RPS6KA5: variants seen among roughly 807,000 people sequenced by gnomAD.
RPS6KA5 encodes the protein ribosomal protein S6 kinase alpha-5.
RPS6KA5 carries 27 observed loss-of-function variants against 85.5 expected under a neutral mutation model. The ratio of observed to expected loss-of-function variants is 0.32; its 90% CI spans 0.23 to 0.44. RPS6KA5 has a LOEUF of 0.44. Among genes scored for constraint, RPS6KA5 ranks in the 20% least tolerant of loss-of-function variants. The pLI is 1.00. For missense variants in RPS6KA5, 811 were observed against 980.9 expected (o/e 0.83, Z 2.31); for synonymous variants, 334 against 348.2 (o/e 0.96, Z 0.46).
At chr14:90,998,201 G>A (rs1003719977) in intron 2 of RPS6KA5, among the ~76,000 whole-genome samples, 4 of 152,106 alleles carry the variant, frequency 2.6e-5, no homozygotes, top group African/African-American at 9.7e-5. Flanking sequence ...TTAGGACTGG[G>A]GAGGATGGTG....
At chr14:91,044,259 G>C (rs1172277383) in intron 1 of RPS6KA5, among the ~76,000 whole-genome samples, 3 of 61,900 alleles carry the variant, frequency 4.8e-5, no homozygotes, top group Admixed American at 4.4e-4. Flanking sequence ...GGGAGAGAGA[G>C]AGGGAGAGAG....
At chr14:91,028,398 G>T (rs1215207187) in intron 1 of RPS6KA5, among the ~76,000 whole-genome samples, 2 of 152,020 alleles carry the variant, frequency 1.3e-5, no homozygotes, top group African/African-American at 4.8e-5. Flanking sequence ...TTTATTATTT[G>T]TAGAGGCAAG....
At chr14:90,967,772 T>C (rs899038117) in intron 3 of RPS6KA5, among the ~76,000 whole-genome samples, 1 of 152,222 alleles carries the variant, frequency 6.6e-6, no homozygotes, top group Non-Finnish European at 1.5e-5. Context: ...TCTGATACTG[T>C]GTCTCTAAGA....
chr14:90,906,937 A>G lies in RPS6KA5; in HGVS notation c.807-638T>C, dbSNP rs140533134. 4.0e-3 allele frequency among the ~76,000 whole-genome samples: 608 copies of G among 152,332 alleles called. 8 individuals are homozygous for G. Among genetic ancestry groups the G allele is most frequent in the African/African-American group, 0.014 (567 of 41,568 alleles). On this transcript the variant is annotated intron_variant, in intron 7 of 16. Coordinates refer to ENST00000614987, the MANE Select transcript of RPS6KA5 (RefSeq NM_004755.4). ...GCTATAAAACAGCCAGACAAGCCCT[A>G]TGAGGCAGGTAGAGCTCAGAGATGG...
intron 7 of RPS6KA5, among the ~76,000 whole-genome samples, chr14:90,915,880 C>G: frequency 6.6e-6 from 1 of 151,480 alleles, no homozygotes; most frequent in East Asian, 1.9e-4. Flanking sequence ...AAGAAAAGCA[C>G]ATGTACATGT....
chr14:90,990,210 G>A (rs753350773), intron 2 of RPS6KA5, among the ~76,000 whole-genome samples: 8 of 152,134 alleles, frequency 5.3e-5, no homozygotes, highest in Non-Finnish European at 1.2e-4. Context: ...ATTAAAAAAT[G>A]GGCAAAGGAT....
At chr14:91,044,209 A>G (rs1200620698) in intron 1 of RPS6KA5, among the ~76,000 whole-genome samples, 1 of 150,978 alleles carries the variant, frequency 6.6e-6, no homozygotes, top group Non-Finnish European at 1.5e-5. Context: ...CCTGGGCAAC[A>G]AGAGTAAAAC....
chr14:91,057,761 AC>A (rs1193474950), intron 1 of RPS6KA5, among the ~76,000 whole-genome samples: 2 of 152,370 alleles, frequency 1.3e-5, no homozygotes, highest in Admixed American at 6.5e-5. Context: ...TATACATTCA[AC>A]CAACATTTCC....
In RPS6KA5 at chr14:90,852,201, T is replaced by A. The variant is rs1211840619; in HGVS notation, c.*19873A>T. The A allele has an allele frequency of 6.7e-6, 1 of 148,410 alleles. No homozygotes were observed. The highest frequency in any genetic ancestry group is 2.1e-4 in the East Asian group (1 of 4,818). 9.2% of individuals were successfully genotyped at this position (148,410 alleles called of 1,614,324 possible). ...GTTCTGCTTCCCGGGTTCACGCCAT[T>A]CTCCTGCCTCAGCCTCCCAAGTACC... is the stretch of plus-strand genomic sequence containing the variant. On this transcript the variant is annotated 3_prime_UTR_variant, in exon 17 of 17. Transcript: ENST00000614987.
At chr14:91,030,699 A>G (rs1160064975) in intron 1 of RPS6KA5, among the ~76,000 whole-genome samples, 1 of 151,346 alleles carries the variant, frequency 6.6e-6, no homozygotes, top group Admixed American at 6.6e-5. Context: ...CATAAAAAGT[A>G]TAATTATCCT....
chr14:90,873,500 T>C, intron 16 of RPS6KA5, 132 bp downstream of exon 16: 1 of 827,756 alleles, frequency 1.2e-6, no homozygotes, highest in Non-Finnish European at 1.8e-6. Context: ...TATAAAAACA[T>C]ACCTAAAAGT....
intron 3 of RPS6KA5, among the ~76,000 whole-genome samples, chr14:90,949,768 AC>A: frequency 6.6e-6 from 1 of 152,304 alleles, no homozygotes; most frequent in South Asian, 2.1e-4. Flanking sequence ...AGGAATAATA[AC>A]TACTTATGAA....
intron 1 of RPS6KA5, 43 bp from the exon 2 acceptor site, chr14:91,001,202 A>C: frequency 7.8e-7 from 1 of 1,284,336 alleles, no homozygotes; most frequent in Non-Finnish European, 1.1e-6. Flanking sequence ...AGGGTCAGCA[A>C]TAGAAGGAGG....
At chr14:91,031,031 A>T (rs1316658121) in intron 1 of RPS6KA5, among the ~76,000 whole-genome samples, 1 of 152,174 alleles carries the variant, frequency 6.6e-6, no homozygotes, top group Non-Finnish European at 1.5e-5. Flanking sequence ...TAATGGGCAT[A>T]CTCAGTGCTT....
intron 3 of RPS6KA5, among the ~76,000 whole-genome samples, chr14:90,968,793 G>T (rs2039192115): frequency 6.6e-6 from 1 of 152,164 alleles, no homozygotes; most frequent in African/African-American, 2.4e-5. Context: ...TGCAGAAAAA[G>T]ACAACTGATA....
intron 1 of RPS6KA5, among the ~76,000 whole-genome samples, chr14:91,037,491 G>C (rs2042450541): frequency 6.6e-6 from 1 of 152,178 alleles, no homozygotes; most frequent in Non-Finnish European, 1.5e-5. Flanking sequence ...ATCAACTCCA[G>C]CCTGTGTCCC....
chr14:90,908,591 A>T (rs2035637733), intron 7 of RPS6KA5, among the ~76,000 whole-genome samples: 1 of 152,148 alleles, frequency 6.6e-6, no homozygotes, highest in South Asian at 2.1e-4. Flanking sequence ...CCTGCTAGAA[A>T]ACTGCAGTGA....
intron 6 of RPS6KA5, among the ~76,000 whole-genome samples, chr14:90,920,637 A>G (rs2036358346): frequency 6.6e-6 from 1 of 151,764 alleles, no homozygotes; most frequent in African/African-American, 2.4e-5. Context: ...TAAAGTATTC[A>G]GCTCCAGTGA....
chr14:90,924,614 T>G (rs184294207), intron 5 of RPS6KA5, among the ~76,000 whole-genome samples: 244 of 152,334 alleles, frequency 1.6e-3, no homozygotes, highest in Non-Finnish European at 2.9e-3. Context: ...TATAAGCAAC[T>G]TTAGTTATCA....
Sources: gnomAD v4.1 joint callset for allele counts (sites outside exome capture counted in the v4.1 genomes callset) on GRCh38, gnomAD v4.1.1 for gene constraint, MANE v1.5 for transcripts, NCBI Gene and HGNC (gene_info 2026-07-23, HGNC 2026-07-21) for gene names.